Variants in NAV2 observed in about 807,000 individuals in gnomAD.
The protein encoded by NAV2 is helicase, APC down-regulated 1.
In NAV2, 54 loss-of-function variants were observed where a neutral mutation model predicts 223.2. The observed-to-expected ratio is 0.24, with a 90% CI of 0.19 to 0.30. The LOEUF is 0.30. Ranked by LOEUF, NAV2 falls within the 10% of genes least tolerant of loss-of-function variation. The probability of loss-of-function intolerance (pLI) is 1.00; values close to 1 mark genes in which losing one functional copy is unlikely to be tolerated. For missense variants in NAV2, 2,806 were observed against 3,147.5 expected (o/e 0.89, Z 2.60); for synonymous variants, 1,279 against 1,239.3 (o/e 1.03, Z -0.67).
chr11:19,570,709 A>G (rs1230928533), intron 1 of NAV2, among the ~76,000 whole-genome samples: 1 of 152,232 alleles, frequency 6.6e-6, no homozygotes, highest in East Asian at 1.9e-4. Flanking sequence ...GTCATTAGGG[A>G]CAAACAAGTC....
chr11:19,885,121 A>G (rs2063449351), intron 5 of NAV2, among the ~76,000 whole-genome samples: 1 of 152,234 alleles, frequency 6.6e-6, no homozygotes, highest in Non-Finnish European at 1.5e-5. Flanking sequence ...GCTAACATTT[A>G]TTGAACGCAC....
chr11:19,948,552 C>G (rs550384266), intron 9 of NAV2, 139 bp from the exon 10 acceptor site: 8 of 795,192 alleles, frequency 1.0e-5, no homozygotes, highest in Non-Finnish European at 1.4e-5. Context: ...GGAAGCACAT[C>G]AGGTGGTACA....
chr11:19,465,477 T>C (rs1375255094), intron 1 of NAV2, among the ~76,000 whole-genome samples: 4 of 152,252 alleles, frequency 2.6e-5, no homozygotes, highest in Non-Finnish European at 5.9e-5. Flanking sequence ...AAATCAAATT[T>C]AATTAGTTCA....
chr11:19,655,049 AAAAC>A (rs2048080848), intron 1 of NAV2, among the ~76,000 whole-genome samples: 1 of 152,248 alleles, frequency 6.6e-6, no homozygotes, highest in South Asian at 2.1e-4. Flanking sequence ...TTACCACAAA[AAAAC>A]AAACAACCCC....
chr11:19,495,008 CCT>C (rs1484852450), intron 1 of NAV2, among the ~76,000 whole-genome samples: 1 of 152,150 alleles, frequency 6.6e-6, no homozygotes, highest in Admixed American at 6.5e-5. Flanking sequence ...TCAGGAACCC[CCT>C]GACAGGAAAA....
rs1182151808 is a variant in NAV2, at chr11:19,730,872, G to C, written c.267+16910G>C. On this transcript the variant is annotated intron_variant, in intron 1 of 37. Coordinates refer to ENST00000349880, the MANE Select transcript of NAV2 (RefSeq NM_145117.5). ...AGCCTGCCTACAGGTGCAGCTGCCAGCTAACATGCAGCATGCCCAGTGAAA... is the reference window on the plus strand; with the variant it reads ...AGCCTGCCTACAGGTGCAGCTGCCACCTAACATGCAGCATGCCCAGTGAAA... 3.3e-5 allele frequency among the ~76,000 whole-genome samples: 5 copies of C among 152,298 alleles called. No homozygotes were observed. The East Asian group carries it at 7.7e-4, about 23-fold the overall frequency.
chr11:19,940,237 T>C (rs1437288042), intron 8 of NAV2, among the ~76,000 whole-genome samples: 1 of 152,108 alleles, frequency 6.6e-6, no homozygotes, highest in Non-Finnish European at 1.5e-5. Context: ...TGTAACATGC[T>C]TCTTTTTACC....
intron 10 of NAV2, among the ~76,000 whole-genome samples, chr11:19,954,181 C>T (rs1256350672): frequency 6.6e-6 from 1 of 152,086 alleles, no homozygotes; most frequent in Non-Finnish European, 1.5e-5. Context: ...AAGCTCCTGG[C>T]TGGTGATATT....
At chr11:19,616,658 C>T (rs1286104237) in intron 1 of NAV2, among the ~76,000 whole-genome samples, 1 of 151,848 alleles carries the variant, frequency 6.6e-6, no homozygotes, top group Non-Finnish European at 1.5e-5. Flanking sequence ...GTCCTGCATG[C>T]CCTGAGACCA....
chr11:19,569,461 A>G (rs2045361007), intron 1 of NAV2, among the ~76,000 whole-genome samples: 1 of 152,036 alleles, frequency 6.6e-6, no homozygotes, highest in Non-Finnish European at 1.5e-5. Flanking sequence ...TGTAAGAAAA[A>G]CCCATAAAAT....
chr11:19,924,312 C>CA (rs1192720221), intron 6 of NAV2, among the ~76,000 whole-genome samples: 27 of 139,846 alleles, frequency 1.9e-4, no homozygotes, highest in South Asian at 4.6e-4. Context: ...AAAAAAAAAA[C>CA]AAAAAAAAAC....
rs1417846017 is a variant in NAV2 at position 20,048,739 on chromosome 11, G to A, written c.3914G>A (p.Gly1305Glu). 2.9e-5 allele frequency: 47 copies of A among 1,613,698 alleles called. No individual in the cohort carries two copies. Among genetic ancestry groups the A allele is most frequent in the Non-Finnish European group, 3.7e-5 (44 of 1,179,866 alleles). Reference protein sequence around the residue: ...ASPTLRRLFGGKPTKQVPIAT... With the variant: ...ASPTLRRLFGEKPTKQVPIAT... ...TTGTCTCTTCACAGACTCTTTGGTGGGAAGCCTACCAAGCAAGTGCCCATC... is the reference window on the plus strand; with the variant it reads ...TTGTCTCTTCACAGACTCTTTGGTGAGAAGCCTACCAAGCAAGTGCCCATC... The change falls in exon 15 of 38, where the codon GGG (glycine) becomes GAG (glutamate). Residue 1305 changes from glycine to glutamate, a missense_variant. Transcript: ENST00000349880.
At chr11:19,764,474 G>C (rs188832634) in intron 1 of NAV2, among the ~76,000 whole-genome samples, 6 of 152,170 alleles carry the variant, frequency 3.9e-5, no homozygotes, top group Admixed American at 3.3e-4. Flanking sequence ...TTCCCAAGTA[G>C]ACACAGATGT....
At chr11:20,114,168 A>G (rs992271404) in intron 36 of NAV2, among the ~76,000 whole-genome samples, 3 of 151,930 alleles carry the variant, frequency 2.0e-5, no homozygotes, top group Admixed American at 1.3e-4. Flanking sequence ...CCTTTTTCCA[A>G]CTCCACATCC....
At chr11:19,831,537 G>C (rs1006523744) in intron 1 of NAV2, among the ~76,000 whole-genome samples, 6 of 152,128 alleles carry the variant, frequency 3.9e-5, no homozygotes, top group African/African-American at 1.2e-4. Flanking sequence ...AGGCCTACAT[G>C]TTCACATATA....
At chr11:19,377,460 G>A (rs1417388921) in intron 1 of NAV2, among the ~76,000 whole-genome samples, 1 of 152,096 alleles carries the variant, frequency 6.6e-6, no homozygotes, top group African/African-American at 2.4e-5. Flanking sequence ...AGAGCCCCGG[G>A]GCTACAGCAT....
chr11:19,968,704 C>T (rs1001321589), intron 10 of NAV2, among the ~76,000 whole-genome samples: 2 of 152,152 alleles, frequency 1.3e-5, no homozygotes, highest in Non-Finnish European at 2.9e-5. Flanking sequence ...GTCAGATACC[C>T]CATTATTTGG....
At chr11:19,701,750 A>C (rs1246550825) in intron 1 of NAV2, among the ~76,000 whole-genome samples, 1 of 152,230 alleles carries the variant, frequency 6.6e-6, no homozygotes, top group African/African-American at 2.4e-5. Context: ...ATATCTTTCT[A>C]AGCCAAAAAA....
intron 1 of NAV2, among the ~76,000 whole-genome samples, chr11:19,823,179 G>C (rs1202772117): frequency 6.6e-6 from 1 of 152,092 alleles, no homozygotes; most frequent in South Asian, 2.1e-4. Flanking sequence ...TGAGTAGCTG[G>C]AACCACAGGC....
Sources: gnomAD v4.1 joint callset for allele counts (sites outside exome capture counted in the v4.1 genomes callset) on GRCh38, gnomAD v4.1.1 for gene constraint, MANE v1.5 for transcripts, NCBI Gene and HGNC (gene_info 2026-07-23, HGNC 2026-07-21) for gene names.